The following GLIS3 variants were observed in gnomAD, a reference collection of about 807,000 sequenced individuals.
GLIS3 encodes zinc finger protein GLIS3.
In GLIS3, 53 loss-of-function variants were observed where a neutral mutation model predicts 78.6. The ratio of observed to expected loss-of-function variants is 0.67; its 90% CI spans 0.54 to 0.85. The LOEUF (loss-of-function observed/expected upper bound fraction) is 0.85, where lower values mean the gene tolerates loss of function less well. Among genes scored for constraint, GLIS3 ranks in the 40% least tolerant of loss-of-function variants. GLIS3 has a pLI of 0.00. For missense variants in GLIS3, 1,703 were observed against 1,231.1 expected (o/e 1.38, Z -5.74); for synonymous variants, 684 against 509.9 (o/e 1.34, Z -4.60).
At chr9:3,926,768 G>A (rs975866343) in intron 6 of GLIS3, among the ~76,000 whole-genome samples, 3 of 152,018 alleles carry the variant, frequency 2.0e-5, no homozygotes, top group African/African-American at 4.8e-5. Flanking sequence ...GATTACAGGC[G>A]CACGCCACCA....
chr9:4,058,248 T>C (rs1435489898), intron 4 of GLIS3, among the ~76,000 whole-genome samples: 1 of 152,172 alleles, frequency 6.6e-6, no homozygotes. Flanking sequence ...TGTTTTTTTT[T>C]GGCTTTGCTT....
chr9:3,907,826 A>G (rs1343575911), intron 6 of GLIS3, among the ~76,000 whole-genome samples: 1 of 152,082 alleles, frequency 6.6e-6, no homozygotes, highest in Non-Finnish European at 1.5e-5. Flanking sequence ...TCCTTCATAA[A>G]TCACATGCAC....
intron 4 of GLIS3, among the ~76,000 whole-genome samples, chr9:3,937,986 A>T (rs1165739247): frequency 6.6e-6 from 1 of 152,202 alleles, no homozygotes; most frequent in Non-Finnish European, 1.5e-5. Flanking sequence ...ATATTTATTG[A>T]CAGTAACATT....
chr9:4,436,301 T>C, the GLIS3 span, among the ~76,000 whole-genome samples: 1 of 152,222 alleles, frequency 6.6e-6, no homozygotes, highest in Admixed American at 6.5e-5. Flanking sequence ...AGGGCAATAT[T>C]TGTAATATAT....
At chr9:4,473,466 A>AAAAAAAAAAAAAAAAAAAAAAAAAG in the GLIS3 span, among the ~76,000 whole-genome samples, 2 of 135,412 alleles carry the variant, frequency 1.5e-5, no homozygotes, top group Admixed American at 7.8e-5. Context: ...ACAACAAAAA[A>AAAAAAAAAAAAAAAAAAAAAAAAAG]AAAGGATCAT....
Position 3,922,766 on chromosome 9 carries a change from C to CA in GLIS3, c.1983+9593dup, listed in dbSNP as rs577965781. ...TTGAAAAAATATAAAGAGAGAAAGC[C>CA]AAAAAAATGGAGAAAGAGATGCATA... On this transcript the variant is annotated intron_variant, in intron 6 of 10. Transcript: ENST00000381971. Among the ~76,000 whole-genome samples the CA allele has an allele frequency of 7.9e-5, 12 of 151,436 alleles. No homozygotes were observed. The South Asian group carries it at 8.4e-4, about 11-fold the overall frequency.
rs535617350 is a variant in GLIS3, at chr9:4,093,946, T to C, written c.1710+23822A>G. Among the ~76,000 whole-genome samples the C allele has an allele frequency of 2.6e-5, 4 of 152,322 alleles. No homozygotes were observed. In the East Asian group the frequency reaches 7.7e-4, roughly 29 times the overall value. ...TGTGGAATTGTAGGTCAACTGTGTA[T>C]TGAATCGATAATTTGCTGCTGTCTA... On this transcript the variant is annotated intron_variant, in intron 4 of 10. Coordinates refer to ENST00000381971, the MANE Select transcript of GLIS3 (RefSeq NM_001042413.2).
chr9:4,338,430 T>C (rs1195232614), intron 2 of GLIS3, among the ~76,000 whole-genome samples: 3 of 151,820 alleles, frequency 2.0e-5, no homozygotes, highest in African/African-American at 7.3e-5. Context: ...ACAAGCTCCC[T>C]GGATTATTCT....
chr9:4,343,774 T>A (rs773005302), intron 2 of GLIS3, among the ~76,000 whole-genome samples: 1 of 152,200 alleles, frequency 6.6e-6, no homozygotes, highest in Non-Finnish European at 1.5e-5. Flanking sequence ...GCAACATGGA[T>A]GCAGCTGGAG....
chr9:3,934,221 C>T (rs1323617935), intron 5 of GLIS3, among the ~76,000 whole-genome samples: 1 of 152,132 alleles, frequency 6.6e-6, no homozygotes, highest in Non-Finnish European at 1.5e-5. Flanking sequence ...CCTACCCTGC[C>T]CTGGTTTCAG....
intron 4 of GLIS3, among the ~76,000 whole-genome samples, chr9:3,938,361 T>A (rs1826010602): frequency 6.6e-6 from 1 of 152,188 alleles, no homozygotes; most frequent in South Asian, 2.1e-4. Flanking sequence ...TGGTTCCCAT[T>A]CAAAATTAGC....
chr9:4,255,633 A>G (rs143730247), intron 2 of GLIS3, among the ~76,000 whole-genome samples: 1 of 152,362 alleles, frequency 6.6e-6, no homozygotes, highest in African/African-American at 2.4e-5. Flanking sequence ...ATACTGTATA[A>G]TTCCAACTAT....
intron 4 of GLIS3, among the ~76,000 whole-genome samples, chr9:4,102,154 C>G (rs1370113074): frequency 6.6e-6 from 1 of 152,146 alleles, no homozygotes; most frequent in African/African-American, 2.4e-5. Flanking sequence ...TAAGACAATT[C>G]TCCATTTATG....
chr9:4,253,216 C>T lies in GLIS3; in HGVS notation c.388+32822G>A, dbSNP rs1055965828. Among the ~76,000 whole-genome samples, 8 of 152,334 alleles carry T rather than the reference C, an allele frequency of 5.3e-5. No homozygotes were observed. In the East Asian group the frequency reaches 7.7e-4, roughly 15 times the overall value. The stretch of plus-strand genomic sequence containing the variant: ...AGTCTGCTGAAGCTGGGCCCACAGC[C>T]GCCCCTTTCCCCAGGTGCTCTGTCC... On this transcript the variant is annotated intron_variant, in intron 2 of 10. Transcript: ENST00000381971.
chr9:4,425,938 C>T, the GLIS3 span, among the ~76,000 whole-genome samples: 1 of 152,186 alleles, frequency 6.6e-6, no homozygotes, highest in East Asian at 1.9e-4. Context: ...AAGATGGGTG[C>T]TGACTCTGTG....
At chr9:4,379,536 A>G in the GLIS3 span, among the ~76,000 whole-genome samples, 1 of 152,198 alleles carries the variant, frequency 6.6e-6, no homozygotes, top group South Asian at 2.1e-4. Context: ...TGCTTATAAG[A>G]TGTTTTTAGT....
intron 2 of GLIS3, among the ~76,000 whole-genome samples, chr9:4,167,800 G>A (rs1320622100): frequency 2.0e-5 from 3 of 152,090 alleles, no homozygotes; most frequent in Non-Finnish European, 4.4e-5. Flanking sequence ...TCTAACAGAG[G>A]GACTGACTGG....
chr9:3,891,165 G>T (rs572931626), intron 7 of GLIS3, among the ~76,000 whole-genome samples: 2 of 151,484 alleles, frequency 1.3e-5, no homozygotes, highest in African/African-American at 4.9e-5. Flanking sequence ...CTAATTTTCA[G>T]AACTATAGCA....
intron 4 of GLIS3, among the ~76,000 whole-genome samples, chr9:4,095,793 T>C (rs1473399331): frequency 6.6e-5 from 10 of 152,196 alleles, no homozygotes; most frequent in Non-Finnish European, 1.0e-4. Flanking sequence ...TTGTCTGCCA[T>C]TGTAGTTCTC....
Sources: gnomAD v4.1 joint callset for allele counts (sites outside exome capture counted in the v4.1 genomes callset) on GRCh38, gnomAD v4.1.1 for gene constraint, MANE v1.5 for transcripts, NCBI Gene and HGNC (gene_info 2026-07-23, HGNC 2026-07-21) for gene names.